The following KIF26B variants were observed in gnomAD, a reference collection of about 807,000 sequenced individuals.
KIF26B encodes kinesin-like protein KIF26B.
A neutral mutation model predicts 151.2 loss-of-function variants in KIF26B; 63 were observed. That is an observed-to-expected ratio of 0.42 (90% CI 0.34 to 0.51). The LOEUF (loss-of-function observed/expected upper bound fraction) is 0.51. Ranked by LOEUF, KIF26B falls within the 20% of genes least tolerant of loss-of-function variation. The probability of loss-of-function intolerance (pLI) is 0.07; values close to 1 mark genes in which losing one functional copy is unlikely to be tolerated. For synonymous variants in KIF26B, 1,357 were observed against 1,262.1 expected (o/e 1.08, Z -1.59); for missense variants, 2,813 against 2,913.6 (o/e 0.97, Z 0.79).
intron 2 of KIF26B, among the ~76,000 whole-genome samples, chr1:245,179,315 A>T (rs1668863874): frequency 6.6e-6 from 1 of 152,198 alleles, no homozygotes; most frequent in Non-Finnish European, 1.5e-5. Flanking sequence ...TCTCTGTGTT[A>T]AATACTATGG....
At chr1:245,514,554 A>AT (rs1340872949) in intron 4 of KIF26B, among the ~76,000 whole-genome samples, 2 of 152,000 alleles carry the variant, frequency 1.3e-5, no homozygotes, top group Non-Finnish European at 2.9e-5. Flanking sequence ...AATAATAATA[A>AT]AATAAAAAAT....
intron 2 of KIF26B, among the ~76,000 whole-genome samples, chr1:245,337,134 TTTTATTTATTTATTTATTTA>T (rs59391704): frequency 0.23 from 34,670 of 148,196 alleles, 5,851 homozygotes; most frequent in African/African-American, 0.44. Flanking sequence ...CATTTAGAAG[TTTTATTTATTTATTTATTTA>T]TTTATTTATT....
intron 10 of KIF26B, among the ~76,000 whole-genome samples, chr1:245,675,451 C>G (rs879578465): frequency 6.6e-6 from 1 of 152,130 alleles, no homozygotes; most frequent in Non-Finnish European, 1.5e-5. Flanking sequence ...TGTGGCCAAC[C>G]CTCACCATAA....
At chr1:245,525,637 A>C (rs1661222328) in intron 4 of KIF26B, among the ~76,000 whole-genome samples, 1 of 152,226 alleles carries the variant, frequency 6.6e-6, no homozygotes, top group Non-Finnish European at 1.5e-5. Flanking sequence ...TTGATTATAT[A>C]ACATGAGTTA....
At chr1:245,588,340 ACTC>A (rs2043249526) in intron 5 of KIF26B, among the ~76,000 whole-genome samples, 1 of 151,556 alleles carries the variant, frequency 6.6e-6, no homozygotes, top group Non-Finnish European at 1.5e-5. Flanking sequence ...TCTGCTTTGA[ACTC>A]CTGCTGCTTT....
At chr1:245,307,101 GTAAC>G (rs1671569900) in intron 2 of KIF26B, among the ~76,000 whole-genome samples, 1 of 152,086 alleles carries the variant, frequency 6.6e-6, no homozygotes, top group East Asian at 1.9e-4. Flanking sequence ...TGTAATCCTG[GTAAC>G]TATTCAAATT....
At chr1:245,635,189 G>GAAGACTTTGAGT (rs372820359) in intron 9 of KIF26B, among the ~76,000 whole-genome samples, 352 of 151,226 alleles carry the variant, frequency 2.3e-3, no homozygotes, top group Non-Finnish European at 4.1e-3. Context: ...CTATTTTCAG[G>GAAGACTTTGAGT]AAGACTTTGA....
chr1:245,458,877 G>A (rs909238515), intron 4 of KIF26B, among the ~76,000 whole-genome samples: 2 of 152,208 alleles, frequency 1.3e-5, no homozygotes, highest in African/African-American at 2.4e-5. Context: ...AGCCCAGTTA[G>A]GAGAGATGTT....
intron 2 of KIF26B, among the ~76,000 whole-genome samples, chr1:245,213,509 C>T (rs1023293282): frequency 6.6e-6 from 1 of 152,162 alleles, no homozygotes; most frequent in African/African-American, 2.4e-5. Flanking sequence ...GTGCCTGATC[C>T]AGGCAGACCT....
chr1:245,578,015 C>T (rs1024341412), intron 5 of KIF26B, among the ~76,000 whole-genome samples: 2 of 152,134 alleles, frequency 1.3e-5, no homozygotes, highest in Admixed American at 6.5e-5. Flanking sequence ...CTTTGTGGAA[C>T]TCTGGGCAAT....
intron 4 of KIF26B, among the ~76,000 whole-genome samples, chr1:245,453,588 G>A (rs1045070055): frequency 3.9e-5 from 6 of 152,076 alleles, no homozygotes; most frequent in African/African-American, 9.7e-5. Flanking sequence ...TTTTGAAAGC[G>A]GTTGCCATGT....
chr1:245,204,711 C>T (rs1669366962), intron 2 of KIF26B, among the ~76,000 whole-genome samples: 1 of 152,078 alleles, frequency 6.6e-6, no homozygotes, highest in Non-Finnish European at 1.5e-5. Context: ...ATGGCTTCGT[C>T]TCAACCACAG....
rs749570233 is a variant in KIF26B, at chr1:245,702,937, C to T, written c.*331C>T. ...AGAGACCTCACTCTTCTCTTGCTTT[C>T]GTGAGAAAGGAGGGGCGTGGATGTA... On this transcript the variant is annotated 3_prime_UTR_variant, in exon 15 of 15. Coordinates refer to ENST00000407071, the MANE Select transcript of KIF26B (RefSeq NM_018012.4). The surrounding 1 kb of genome is among the most constrained non-coding windows in gnomAD (Gnocchi z 4.1). 51 of 256,218 alleles carry T rather than the reference C, an allele frequency of 2.0e-4. No homozygotes were observed. Among genetic ancestry groups the T allele is most frequent in the South Asian group, 3.1e-4 (2 of 6,382 alleles). The allele number at this position is 256,218 out of a possible 1,614,324, so 15.9% of individuals were successfully genotyped here.
In KIF26B at chr1:245,687,298, G is replaced by A. The variant is rs1438054408; in HGVS notation, c.4315G>A (p.Asp1439Asn). ...TGCAAAGAAAGAGATGAAATTTGAG[G>A]ACCCGTGGCTGAAACGAGAAGAGGA... is the stretch of plus-strand genomic sequence containing the variant. ...NSAKKEMKFE[D>N]PWLKREEEVK... is the part of the protein sequence containing the mutation. Residue 1439 changes from aspartate (D) to asparagine (N), a missense_variant, in exon 12 of 15, where the codon GAC becomes AAC. Physicochemically the swap from Asp to Asn is conservative, Grantham distance 23. This residue lies in a region of KIF26B where 2,060 missense variants were observed against 2,088.6 expected (regional missense o/e 0.99). Coordinates refer to ENST00000407071, the MANE Select transcript of KIF26B (RefSeq NM_018012.4). The surrounding 1 kb of genome is among the most constrained non-coding windows in gnomAD (Gnocchi z 4.9). The A allele has an allele frequency of 3.7e-6, 6 of 1,607,434 alleles. No homozygotes were observed. The highest frequency in any genetic ancestry group is 5.1e-6 in the Non-Finnish European group (6 of 1,177,596).
At chr1:245,419,159 CT>C (rs1553272761) in intron 3 of KIF26B, among the ~76,000 whole-genome samples, 1 of 152,190 alleles carries the variant, frequency 6.6e-6, no homozygotes, top group Non-Finnish European at 1.5e-5. Flanking sequence ...AGCAGGCTTA[CT>C]TCTCTCTTCA....
chr1:245,305,157 A>T (rs1038849278), intron 2 of KIF26B, among the ~76,000 whole-genome samples: 1 of 152,230 alleles, frequency 6.6e-6, no homozygotes, highest in Non-Finnish European at 1.5e-5. Flanking sequence ...AATTGTTGTC[A>T]TGTGAAGAGA....
chr1:245,432,327 T>G (rs894153221), intron 4 of KIF26B, among the ~76,000 whole-genome samples: 21 of 152,114 alleles, frequency 1.4e-4, no homozygotes, highest in African/African-American at 4.6e-4. Flanking sequence ...GGGATAGCAT[T>G]GTAACAAAGC....
In KIF26B at chr1:245,540,840, C is replaced by T; in HGVS notation, c.1240C>T (p.Pro414Ser). Reference protein sequence around the residue: ...RPSTSSAAEPPLFATSFSGIL... With the variant: ...RPSTSSAAEPSLFATSFSGIL... ...TTCCACTTCTTCCGCTGCCGAACCACCGCTCTTTGCAACCAGCTTCAGTGG... is the reference window on the plus strand; with the variant it reads ...TTCCACTTCTTCCGCTGCCGAACCATCGCTCTTTGCAACCAGCTTCAGTGG... The change falls in exon 5 of 15, where the codon CCG (proline) becomes TCG (serine). Residue 414 changes from proline (P) to serine (S), a missense_variant. By Grantham distance (74) the Pro-to-Ser change is moderately conservative (BLOSUM62 -1). Coordinates refer to ENST00000407071, the MANE Select transcript of KIF26B (RefSeq NM_018012.4). This position sits in a 1 kb window ranked among gnomAD's most constrained non-coding sequence, Gnocchi z 4.6. 6.2e-7 allele frequency: 1 copy of T among 1,614,018 alleles called. No homozygotes were observed. The highest frequency in any genetic ancestry group is 8.5e-7 in the Non-Finnish European group (1 of 1,179,890).
chr1:245,310,652 CGAAGGCTTTGCTCTCT>C (rs2102982146), intron 2 of KIF26B, among the ~76,000 whole-genome samples: 1 of 152,294 alleles, frequency 6.6e-6, no homozygotes, highest in Non-Finnish European at 1.5e-5. Flanking sequence ...CTTTTGCACT[CGAAGGCTTTGCTCTCT>C]GAAGGCAGGA....
Sources: allele counts gnomAD v4.1 joint callset (sites outside exome capture counted in the v4.1 genomes callset), GRCh38; gene constraint gnomAD v4.1.1; regional missense constraint gnomAD v4.1.1; non-coding constraint Gnocchi (gnomAD v3.1); transcripts MANE v1.5; gene names NCBI Gene and HGNC (gene_info 2026-07-23, HGNC 2026-07-21).